Variants in RABL6 observed in about 807,000 individuals in gnomAD.
RABL6 encodes rab-like protein 6.
A neutral mutation model predicts 72.9 loss-of-function variants in RABL6; 28 were observed. The observed-to-expected ratio is 0.38, with a 90% CI of 0.28 to 0.53. The LOEUF is 0.53. Among genes scored for constraint, RABL6 ranks in the 20% least tolerant of loss-of-function variants. The probability of loss-of-function intolerance (pLI) is 0.80; values close to 1 mark genes in which losing one functional copy is unlikely to be tolerated. For missense variants in RABL6, 1,029 were observed against 1,008.4 expected (o/e 1.02, Z -0.28); for synonymous variants, 477 against 421.2 (o/e 1.13, Z -1.62).
In RABL6 at chr9:136,840,404, G is replaced by A. The variant is rs201833067; in HGVS notation, c.2072G>A (p.Arg691Gln). 2.0e-3 allele frequency: 3,111 copies of A among 1,550,770 alleles called. 4 individuals are homozygous for A. Among genetic ancestry groups the A allele is most frequent in the Non-Finnish European group, 2.5e-3 (2,819 of 1,147,234 alleles). The change falls in exon 15 of 15, where the codon CGG becomes CAG. Residue 691 changes from arginine (R) to glutamine (Q), a missense_variant. By Grantham distance (43) the Arg-to-Gln change is conservative. Coordinates refer to ENST00000311502, the MANE Select transcript of RABL6 (RefSeq NM_024718.5). ...KEEGKEERRR[R>Q]QQRPPRSRER... Reference sequence around the variant, plus strand: ...GAGGGCAAGGAGGAGCGGCGACGGCGGCAGCAGCGGCCCCCGCGCAGCAGG... The same window carrying A: ...GAGGGCAAGGAGGAGCGGCGACGGCAGCAGCAGCGGCCCCCGCGCAGCAGG...
Position 136,841,060 on chromosome 9 carries a change from G to A in RABL6, c.*538G>A, listed in dbSNP as rs1311773244. On this transcript the variant is annotated 3_prime_UTR_variant, in exon 15 of 15. Coordinates refer to ENST00000311502, the MANE Select transcript of RABL6 (RefSeq NM_024718.5). ...AGGCAGCATGTGAGGCCTCTCCTGG[G>A]AGTGGGGGTTGTGTTTCCCACAGTG... 1 of 1,418,220 alleles carries A rather than the reference G, an allele frequency of 7.1e-7. No homozygotes were observed. Among genetic ancestry groups the A allele is most frequent in the Admixed American group, 3.1e-5 (1 of 32,614 alleles). 87.9% of individuals were successfully genotyped at this position (1,418,220 alleles called of 1,614,324 possible). A position where few individuals can be genotyped will look rare whatever the true frequency, so the allele number is the denominator to read the frequency against.
At chr9:136,812,720 C>T (rs1025621399) in intron 1 of RABL6, 6 of 298,938 alleles carry the variant, frequency 2.0e-5, no homozygotes, top group South Asian at 3.9e-5. Context: ...GATCAGGTAA[C>T]GGAATAAAAA....
chr9:136,827,696 G>A (rs1848388515), intron 3 of RABL6: 1 of 152,348 alleles, frequency 6.6e-6, no homozygotes, highest in Non-Finnish European at 1.5e-5. Flanking sequence ...CCCTGACTGG[G>A]TTACATCGTG....
intron 7 of RABL6, chr9:136,833,970 T>C (rs1288142132): frequency 1.3e-6 from 2 of 1,531,692 alleles, no homozygotes; most frequent in Non-Finnish European, 1.8e-6. Context: ...TGGTTTGCCC[T>C]CCAAACCCTT....
At chr9:136,837,197 G>C in intron 8 of RABL6, 149 bp from the exon 9 acceptor site, 1 of 913,218 alleles carries the variant, frequency 1.1e-6, no homozygotes, top group Non-Finnish European at 1.8e-6. Flanking sequence ...CTTGGAAGTG[G>C]ATGGGGATGA....
At chr9:136,838,191 G>A (rs749234012) in intron 10 of RABL6, among the ~76,000 whole-genome samples, 176 bp downstream of exon 10, 2 of 152,238 alleles carry the variant, frequency 1.3e-5, no homozygotes, top group Non-Finnish European at 2.9e-5. Flanking sequence ...CTTGGACGGG[G>A]CTTCCAGACA....
rs548702471 is a variant in RABL6, at chr9:136,823,556, G to A, written c.162G>A (p.Thr54=). ...MKIVIRGDRN[T]GKTALWHRLQ... ...TAGTGATCCGGGGAGACAGGAACAC[G>A]GGCAAGACAGCGCTGTGGCACCGCC... Residue 54 remains threonine (T), a synonymous_variant, in exon 2 of 15, where the codon ACG becomes ACA. Coordinates refer to ENST00000311502, the MANE Select transcript of RABL6 (RefSeq NM_024718.5). The A allele has an allele frequency of 1.7e-5, 28 of 1,613,808 alleles. No homozygotes were observed. Among genetic ancestry groups the A allele is most frequent in the Admixed American group, 1.5e-4 (9 of 60,018 alleles).
chr9:136,829,506 C>T (rs920825130), intron 5 of RABL6, 22 bp downstream of exon 5: 42 of 1,555,402 alleles, frequency 2.7e-5, no homozygotes, highest in South Asian at 3.5e-5. Context: ...CTGGCGGGGG[C>T]AGCTGCCTGT....
At chr9:136,833,896 C>T (rs1278988969) in intron 7 of RABL6, 2 of 1,550,392 alleles carry the variant, frequency 1.3e-6, no homozygotes, top group African/African-American at 1.4e-5. Context: ...CAGAGCCGTC[C>T]CCTCATCACT....
Position 136,807,991 on chromosome 9 carries a change from G to A in RABL6, c.-206G>A. The A allele has an allele frequency of 9.9e-7, 1 of 1,011,100 alleles. No individual in the cohort carries two copies. Among genetic ancestry groups the A allele is most frequent in the Admixed American group, 5.9e-5 (1 of 16,978 alleles). The allele number at this position is 1,011,100 out of a possible 1,614,324, so 62.6% of individuals were successfully genotyped here. A position where few individuals can be genotyped will look rare whatever the true frequency, so the allele number is the denominator to read the frequency against. On this transcript the variant is annotated 5_prime_UTR_variant, in exon 1 of 15. Coordinates refer to ENST00000311502, the MANE Select transcript of RABL6 (RefSeq NM_024718.5). Reference sequence around the variant, plus strand: ...CTGGAGAGCGGTCGCGCCGGAGGCCGCGGGGGCCGGAGCGGAGCAGCCGCG... The same window carrying A: ...CTGGAGAGCGGTCGCGCCGGAGGCCACGGGGGCCGGAGCGGAGCAGCCGCG...
At chr9:136,831,990 T>C (rs1848487334) in intron 6 of RABL6, 129 bp downstream of exon 6, 1 of 1,327,586 alleles carries the variant, frequency 7.5e-7, no homozygotes, top group Non-Finnish European at 1.0e-6. Flanking sequence ...GTCTCGCCGC[T>C]GAGTGGGGCT....
At position 136,834,768 on chromosome 9, in the gene RABL6, A is replaced by G. The variant is rs550930127; in HGVS notation, c.706-974A>G. On this transcript the variant is annotated intron_variant, in intron 7 of 14. Coordinates refer to ENST00000311502, the MANE Select transcript of RABL6 (RefSeq NM_024718.5). ...GCTGGGATTACAGGTGTGAGCCACC[A>G]CGCCCAGCCTCACATTTTTATTTTA... Among the ~76,000 whole-genome samples the G allele has an allele frequency of 3.6e-4, 54 of 151,738 alleles. 1 individual carries two copies. Among genetic ancestry groups the G allele is most frequent in the East Asian group, 1.8e-3 (9 of 5,102 alleles).
rs781552229 is a variant in RABL6, at chr9:136,839,344, C to T, written c.1616C>T (p.Pro539Leu). 58 of 1,612,614 alleles carry T rather than the reference C, an allele frequency of 3.6e-5. No homozygotes were observed. The highest frequency in any genetic ancestry group is 4.6e-5 in the Non-Finnish European group (54 of 1,179,812). The change falls in exon 12 of 15, where the codon CCT (proline) becomes CTT (leucine). Residue 539 changes from proline to leucine, a missense_variant. Physicochemically the swap from Pro to Leu is moderately conservative, Grantham distance 98. This residue lies in a region of RABL6 where 595 missense variants were observed against 472.4 expected (regional missense o/e 1.26). Coordinates refer to ENST00000311502, the MANE Select transcript of RABL6 (RefSeq NM_024718.5). The stretch of plus-strand genomic sequence containing the variant: ...GAGAAGCGCAGCAGCACCAGGCCCC[C>T]TGCTGAGATGGAGCCGGGGAAGGGT... The part of the protein sequence containing the change: ...GPEKRSSTRP[P>L]AEMEPGKGEQ...
intron 1 of RABL6, among the ~76,000 whole-genome samples, chr9:136,818,646 G>C (rs1024531670): frequency 1.3e-5 from 2 of 152,028 alleles, no homozygotes; most frequent in Non-Finnish European, 2.9e-5. Flanking sequence ...TCGAGAGGCT[G>C]AGACAGGAGA....
chr9:136,816,716 C>CA (rs1377853953), intron 1 of RABL6, among the ~76,000 whole-genome samples: 16 of 85,578 alleles, frequency 1.9e-4, no homozygotes, highest in East Asian at 1.0e-3. Flanking sequence ...GACTCTGTCT[C>CA]AAAAAAAAGG....
chr9:136,810,823 A>G (rs897665489), intron 1 of RABL6, among the ~76,000 whole-genome samples: 3 of 152,150 alleles, frequency 2.0e-5, no homozygotes, highest in Non-Finnish European at 4.4e-5. Context: ...TTACAGGCGT[A>G]AGCCACCATG....
chr9:136,840,962 G>T lies in RABL6; in HGVS notation c.*440G>T. 1.4e-6 allele frequency: 2 copies of T among 1,457,700 alleles called. No individual in the cohort carries two copies. Among genetic ancestry groups the T allele is most frequent in the East Asian group, 2.5e-5 (1 of 40,002 alleles). The allele number at this position is 1,457,700 out of a possible 1,614,324, so 90.3% of individuals were successfully genotyped here. On this transcript the variant is annotated 3_prime_UTR_variant, in exon 15 of 15. Coordinates refer to ENST00000311502, the MANE Select transcript of RABL6 (RefSeq NM_024718.5). ...CCTATGGTTCCGCTTCCGGCCGGGA[G>T]CCCTGAACACGGGTGTGCAGACTCA...
chr9:136,812,891 A>G (rs539796303), intron 1 of RABL6: 3 of 334,406 alleles, frequency 9.0e-6, no homozygotes, highest in South Asian at 8.4e-5. Context: ...TCATCCTCCA[A>G]AGCTTCCTCT....
intron 1 of RABL6, among the ~76,000 whole-genome samples, chr9:136,811,324 A>T (rs1848006683): frequency 6.6e-6 from 1 of 152,104 alleles, no homozygotes; most frequent in African/African-American, 2.4e-5. Flanking sequence ...GTTTAAAAAA[A>T]TTGTGTTTTT....
Sources: gnomAD v4.1 joint callset for allele counts (sites outside exome capture counted in the v4.1 genomes callset) on GRCh38, gnomAD v4.1.1 for gene constraint, gnomAD v4.1.1 regional missense constraint, MANE v1.5 for transcripts, NCBI Gene and HGNC (gene_info 2026-07-23, HGNC 2026-07-21) for gene names.